LDLRAD4: variants seen among roughly 807,000 people sequenced by gnomAD.
LDLRAD4 encodes the protein low-density lipoprotein receptor class A domain-containing protein 4.
Under a neutral mutation model 17.0 loss-of-function variants are expected in LDLRAD4, and 5 were observed. The ratio of observed to expected loss-of-function variants is 0.29; its 90% CI spans 0.15 to 0.62. The LOEUF is 0.62. Among genes scored for constraint, LDLRAD4 ranks in the 20% least tolerant of loss-of-function variants. The probability of loss-of-function intolerance (pLI) is 0.84; values close to 1 mark genes in which losing one functional copy is unlikely to be tolerated. For synonymous variants in LDLRAD4, 168 were observed against 171.8 expected, an observed-to-expected ratio of 0.98 and a Z score of 0.17; for missense variants, 340 against 424.7, an observed-to-expected ratio of 0.80 and a Z score of 1.75.
At chr18:13,616,788 C>G (rs2040123021) in intron 3 of LDLRAD4, among the ~76,000 whole-genome samples, 1 of 152,236 alleles carries the variant, frequency 6.6e-6, no homozygotes, top group South Asian at 2.1e-4. Context: ...AGGCTGCCGC[C>G]ACCCCAGGGC....
At chr18:13,587,309 A>G (rs972842985) in intron 3 of LDLRAD4, among the ~76,000 whole-genome samples, 2 of 152,188 alleles carry the variant, frequency 1.3e-5, no homozygotes, top group Non-Finnish European at 1.5e-5. Context: ...AACTCTCTCC[A>G]TGTTAGACAG....
At chr18:13,230,434 T>C (rs1025075702) in intron 1 of LDLRAD4, among the ~76,000 whole-genome samples, 3 of 152,150 alleles carry the variant, frequency 2.0e-5, no homozygotes, top group East Asian at 1.9e-4. Flanking sequence ...AGAACGCATA[T>C]ACTTATTTTT....
At chr18:13,296,019 C>T (rs987968860) in intron 1 of LDLRAD4, among the ~76,000 whole-genome samples, 4 of 152,204 alleles carry the variant, frequency 2.6e-5, no homozygotes, top group African/African-American at 7.2e-5. Context: ...AGGACCCCAC[C>T]GGCAGCCCAG....
At chr18:13,633,181 C>T (rs927773513) in intron 4 of LDLRAD4, among the ~76,000 whole-genome samples, 4 of 152,232 alleles carry the variant, frequency 2.6e-5, no homozygotes, top group Non-Finnish European at 4.4e-5. Context: ...CAGGTTGATC[C>T]GATGTCTGTT....
intron 2 of LDLRAD4, chr18:13,419,601 G>A (rs1399975898): frequency 6.6e-6 from 1 of 152,114 alleles, no homozygotes; most frequent in East Asian, 1.9e-4. Context: ...TATCCAAACT[G>A]TGACCCAGAA....
chr18:13,583,483 A>C (rs540063142), intron 3 of LDLRAD4, among the ~76,000 whole-genome samples: 1 of 152,184 alleles, frequency 6.6e-6, no homozygotes, highest in Non-Finnish European at 1.5e-5. Flanking sequence ...ACTAGAATGC[A>C]TGGGATTGGG....
chr18:13,520,162 T>C (rs181580316), intron 3 of LDLRAD4: 2 of 152,226 alleles, frequency 1.3e-5, no homozygotes, highest in Non-Finnish European at 2.9e-5. Context: ...GAAATGTTGC[T>C]GGTAATTCTT....
intron 2 of LDLRAD4, among the ~76,000 whole-genome samples, chr18:13,409,817 A>C (rs748193893): frequency 6.6e-6 from 1 of 152,244 alleles, no homozygotes; most frequent in Non-Finnish European, 1.5e-5. Context: ...TGCTGAAATT[A>C]GTCAATGAGA....
chr18:13,423,823 CTT>C (rs2089693489), intron 2 of LDLRAD4: 1 of 152,238 alleles, frequency 6.6e-6, no homozygotes, highest in African/African-American at 2.4e-5. Flanking sequence ...GTACAAGAAA[CTT>C]ATATACTTAA....
At chr18:13,385,179 A>C (rs756940707) in intron 1 of LDLRAD4, among the ~76,000 whole-genome samples, 1 of 152,160 alleles carries the variant, frequency 6.6e-6, no homozygotes, top group African/African-American at 2.4e-5. Flanking sequence ...GACCATTCTA[A>C]TGGGTGTGAG....
chr18:13,511,743 C>A lies in LDLRAD4; in HGVS notation c.181+73359C>A, dbSNP rs549071801. On this transcript the variant is annotated intron_variant, in intron 3 of 5. Coordinates refer to ENST00000359446, the Ensembl canonical transcript of LDLRAD4. ...GGGGACATGGGTACAGGTGCCGGAA[C>A]AGCCCCAGCATTGGTTCTCCCTCGG... Among the ~76,000 whole-genome samples the A allele has an allele frequency of 8.5e-5, 13 of 152,296 alleles. No homozygotes were observed. The East Asian group carries it at 2.3e-3, about 27-fold the overall frequency.
chr18:13,476,159 G>A (rs1002389113), intron 3 of LDLRAD4, among the ~76,000 whole-genome samples: 2 of 152,184 alleles, frequency 1.3e-5, no homozygotes, highest in African/African-American at 4.8e-5. Context: ...CTTCCTTATG[G>A]AAGGGGCTCT....
At chr18:13,266,035 CG>C (rs2044197455) in intron 1 of LDLRAD4, among the ~76,000 whole-genome samples, 1 of 152,196 alleles carries the variant, frequency 6.6e-6, no homozygotes, top group Non-Finnish European at 1.5e-5. Context: ...GTTAAAAATA[CG>C]GATTCCTGGA....
At chr18:13,390,206 T>TC (rs1568088325) in intron 2 of LDLRAD4, among the ~76,000 whole-genome samples, 1 of 152,126 alleles carries the variant, frequency 6.6e-6, no homozygotes, top group African/African-American at 2.4e-5. Context: ...TTTGGCCTCT[T>TC]CCCCCCAGTG....
intron 3 of LDLRAD4, among the ~76,000 whole-genome samples, chr18:13,530,777 C>T (rs2094114598): frequency 6.6e-6 from 1 of 151,778 alleles, no homozygotes; most frequent in Admixed American, 6.6e-5. Context: ...GCTCCTGCTG[C>T]CTGGAAGCCT....
intron 4 of LDLRAD4, among the ~76,000 whole-genome samples, chr18:13,635,195 TGGA>T (rs946277727): frequency 8.5e-5 from 13 of 152,270 alleles, no homozygotes. Flanking sequence ...TTTCTCATTC[TGGA>T]GGTCAGACAT....
chr18:13,404,312 G>A (rs975883017), intron 2 of LDLRAD4, among the ~76,000 whole-genome samples: 3 of 152,294 alleles, frequency 2.0e-5, no homozygotes, highest in African/African-American at 7.2e-5. Flanking sequence ...GCGTGGAGAT[G>A]TGCACGGGAC....
At chr18:13,634,892 C>T (rs1344195514) in intron 4 of LDLRAD4, among the ~76,000 whole-genome samples, 3 of 151,790 alleles carry the variant, frequency 2.0e-5, no homozygotes, top group Non-Finnish European at 4.4e-5. Context: ...ATATATAGAC[C>T]AGTGGAATAG....
intron 1 of LDLRAD4, among the ~76,000 whole-genome samples, chr18:13,344,070 GA>G (rs1203170607): frequency 6.6e-6 from 1 of 152,188 alleles, no homozygotes; most frequent in African/African-American, 2.4e-5. Flanking sequence ...TTGCTGTGCA[GA>G]AGCTCTTTAG....
Sources: allele counts gnomAD v4.1 joint callset (sites outside exome capture counted in the v4.1 genomes callset), GRCh38; gene constraint gnomAD v4.1.1; transcripts MANE v1.5; gene names NCBI Gene and HGNC (gene_info 2026-07-23, HGNC 2026-07-21).